Variants in CD300LD observed in about 807,000 individuals in gnomAD.
The protein encoded by CD300LD is CD300 molecule like family member d, also known as CMRF35-like molecule 5.
In CD300LD, 18 loss-of-function variants were observed where a neutral mutation model predicts 20.3. The observed-to-expected ratio is 0.89, with a 90% CI of 0.61 to 1.32. The LOEUF (loss-of-function observed/expected upper bound fraction) is 1.32, where lower values mean the gene tolerates loss of function less well. Among genes scored for constraint, CD300LD ranks in the 40% most tolerant of loss-of-function variants. The pLI is 0.00. For missense variants in CD300LD, 195 were observed against 226.6 expected, an observed-to-expected ratio of 0.86 and a Z score of 0.90; for synonymous variants, 104 against 90.1, an observed-to-expected ratio of 1.15 and a Z score of -0.87.
intron 3 of CD300LD, among the ~76,000 whole-genome samples, chr17:74,581,311 A>G (rs2030030855): frequency 6.7e-6 from 1 of 150,076 alleles, no homozygotes; most frequent in Non-Finnish European, 1.5e-5. Flanking sequence ...GCAGACCTTG[A>G]GGAGTAGTTC....
At chr17:74,586,275 G>A (rs575297585) in intron 2 of CD300LD, among the ~76,000 whole-genome samples, 2 of 152,212 alleles carry the variant, frequency 1.3e-5, no homozygotes, top group Non-Finnish European at 2.9e-5. Context: ...GGCTAATTTA[G>A]TAGTGGACAA....
rs1450793250 is a variant in CD300LD, at chr17:74,580,030, C to G, written c.557G>C (p.Trp186Ser). 2 of 1,612,936 alleles carry G rather than the reference C, an allele frequency of 1.2e-6. No homozygotes were observed. The highest frequency in any genetic ancestry group is 3.3e-5 in the Admixed American group (2 of 59,932). Residue 186 changes from tryptophan (W) to serine (S), a missense_variant, in exon 4 of 4, where the codon TGG becomes TCG. Transcript: ENST00000375352. Reference protein sequence around the residue: ...LLLSMLGTVLWVNRPQRRS With the variant: ...LLLSMLGTVLSVNRPQRRS ...AGACCTTCTTTGTGGTCTGTTTACC[C>G]AGAGGACGGTCCCCAGCATGCTCAG...
rs1313498007 is a variant in CD300LD at position 74,579,389 on chromosome 17, T to A, written c.*613A>T. The A allele has an allele frequency of 6.6e-6, 1 of 152,078 alleles. No individual in the cohort carries two copies. The highest frequency in any genetic ancestry group is 2.4e-5 in the African/African-American group (1 of 41,396). The allele number at this position is 152,078 out of a possible 1,614,324, so 9.4% of individuals were successfully genotyped here. On this transcript the variant is annotated 3_prime_UTR_variant, in exon 4 of 4. Transcript: ENST00000375352. The stretch of plus-strand genomic sequence containing the variant: ...GAATGTCCACTACGGCATAGGTGCC[T>A]CTCGGGGGAAACACATTCTTCTCAT...
intron 2 of CD300LD, among the ~76,000 whole-genome samples, chr17:74,584,034 C>T (rs534790574): frequency 4.6e-5 from 7 of 152,206 alleles, no homozygotes; most frequent in Non-Finnish European, 8.8e-5. Flanking sequence ...GGATTACAGG[C>T]GTGAACCACC....
chr17:74,583,464 C>T (rs543803234), intron 2 of CD300LD, among the ~76,000 whole-genome samples: 1 of 152,334 alleles, frequency 6.6e-6, no homozygotes, highest in Admixed American at 6.5e-5. Flanking sequence ...CCTGCCAACA[C>T]CTTGATCTCG....
rs143787635 is a variant in CD300LD at position 74,592,103 on chromosome 17, G to A, written c.40+60C>T. On this transcript the variant is annotated intron_variant, in intron 1 of 3. Transcript: ENST00000375352. Reference sequence around the variant, plus strand: ...CATGTCTCCTTCCTGAGAACAGAGCGTCTCTGTCTCCAAGCCAGCCGCTGT... The same window carrying A: ...CATGTCTCCTTCCTGAGAACAGAGCATCTCTGTCTCCAAGCCAGCCGCTGT... 2,625 of 1,614,018 alleles carry A rather than the reference G, an allele frequency of 1.6e-3. 39 individuals are homozygous for A. Among genetic ancestry groups the A allele is most frequent in the South Asian group, 0.016 (1,444 of 91,088 alleles).
At chr17:74,586,208 A>C (rs1441910765) in intron 2 of CD300LD, among the ~76,000 whole-genome samples, 3 of 152,222 alleles carry the variant, frequency 2.0e-5, no homozygotes, top group Non-Finnish European at 2.9e-5. Context: ...ATTTTCTCAA[A>C]GCTTGTCAAG....
chr17:74,589,912 G>A (rs1002117141), intron 1 of CD300LD, among the ~76,000 whole-genome samples: 68 of 152,318 alleles, frequency 4.5e-4, no homozygotes, highest in Middle Eastern at 3.4e-3. Flanking sequence ...GACACCCAAG[G>A]TCGTGGGTAA....
chr17:74,581,354 C>T (rs550130494), intron 3 of CD300LD, among the ~76,000 whole-genome samples: 48 of 152,092 alleles, frequency 3.2e-4, no homozygotes, highest in African/African-American at 1.1e-3. Context: ...CGGGCCTCTG[C>T]GCTGGGCTCT....
intron 2 of CD300LD, among the ~76,000 whole-genome samples, chr17:74,583,964 G>C (rs1412378808): frequency 6.6e-6 from 1 of 151,822 alleles, no homozygotes; most frequent in African/African-American, 2.4e-5. Flanking sequence ...ATGTTGGCTA[G>C]GCTGGTCTCA....
chr17:74,591,452 C>G (rs1399165467), intron 1 of CD300LD, among the ~76,000 whole-genome samples: 2 of 151,818 alleles, frequency 1.3e-5, no homozygotes, highest in Non-Finnish European at 2.9e-5. Flanking sequence ...CAAAGCTGTA[C>G]TCAAATATAA....
At chr17:74,583,975 A>G (rs565767328) in intron 2 of CD300LD, among the ~76,000 whole-genome samples, 46 of 152,080 alleles carry the variant, frequency 3.0e-4, no homozygotes, top group African/African-American at 1.1e-3. Flanking sequence ...GCTGGTCTCA[A>G]ACTCCTAGCC....
intron 2 of CD300LD, among the ~76,000 whole-genome samples, chr17:74,585,733 C>T (rs552770357): frequency 3.3e-5 from 5 of 152,320 alleles, no homozygotes; most frequent in East Asian, 3.9e-4. Context: ...TGGTGCTATG[C>T]GCCTTCCACC....
intron 1 of CD300LD, chr17:74,590,769 A>C (rs1371682765): frequency 4.6e-5 from 7 of 152,172 alleles, no homozygotes; most frequent in Admixed American, 4.6e-4. Context: ...GAAAAACTAC[A>C]TCTGGAAGTT....
Position 74,588,546 on chromosome 17 carries a change from T to C in CD300LD, c.344A>G (p.Asp115Gly). The C allele has an allele frequency of 1.2e-6, 2 of 1,613,492 alleles. 1 individual carries two copies. Among genetic ancestry groups the C allele is most frequent in the South Asian group, 2.2e-5 (2 of 90,986 alleles). The change falls in exon 2 of 4, where the codon GAT becomes GGT. Residue 115 changes from aspartate (D) to glycine (G), a missense_variant. Coordinates refer to ENST00000375352, the MANE Select transcript of CD300LD (RefSeq NM_001115152.2). ...YWCGTERPGIDLGVKVQVTIN... is the reference protein window; with the variant it reads ...YWCGTERPGIGLGVKVQVTIN... ...GGTCACTTGAACTTTGACCCCAAGA[T>C]CAATTCCAGGTCTCTCAGTCCCACA...
chr17:74,588,447 G>T, intron 2 of CD300LD, 64 bp downstream of exon 2: 1 of 1,035,410 alleles, frequency 9.7e-7, no homozygotes, highest in Non-Finnish European at 1.5e-6. Flanking sequence ...TACTCAAGTG[G>T]GACCTCAGGG....
intron 3 of CD300LD, among the ~76,000 whole-genome samples, chr17:74,580,833 A>G (rs560673253): frequency 6.6e-6 from 1 of 151,750 alleles, no homozygotes; most frequent in African/African-American, 2.4e-5. Flanking sequence ...TGGGAGGCCA[A>G]GGCAGGTGGA....
At chr17:74,582,366 G>T in intron 2 of CD300LD, 55 bp from the exon 3 acceptor site, 1 of 1,481,822 alleles carries the variant, frequency 6.7e-7, no homozygotes, top group South Asian at 1.2e-5. Context: ...CCCAGCTCTG[G>T]CTGTGGCCCT....
intron 2 of CD300LD, among the ~76,000 whole-genome samples, chr17:74,582,802 A>C: frequency 6.7e-6 from 1 of 150,270 alleles, no homozygotes; most frequent in African/African-American, 2.5e-5. Context: ...TCCCAATCTC[A>C]CCCTCCCTAC....
Sources: allele counts gnomAD v4.1 joint callset (sites outside exome capture counted in the v4.1 genomes callset), GRCh38; gene constraint gnomAD v4.1.1; transcripts MANE v1.5; gene names NCBI Gene and HGNC (gene_info 2026-07-23, HGNC 2026-07-21).